Variants in MTHFSD observed in about 807,000 individuals in gnomAD.
The protein encoded by MTHFSD is methenyltetrahydrofolate synthetase domain containing.
Under a neutral mutation model 31.1 loss-of-function variants are expected in MTHFSD, and 37 were observed. The observed-to-expected ratio is 1.19, with a 90% confidence interval of 0.91 to 1.56. MTHFSD has a LOEUF of 1.56. Ranked by LOEUF, MTHFSD falls within the 40% of genes most tolerant of loss-of-function variation. MTHFSD has a pLI of 0.00. For missense variants in MTHFSD, 664 were observed against 510.1 expected (o/e 1.30, Z -2.91); for synonymous variants, 221 against 206.9 (o/e 1.07, Z -0.59).
intron 7 of MTHFSD, chr16:86,535,595 T>TA (rs5818591): frequency 0.02 from 11,790 of 577,440 alleles, 2 homozygotes; most frequent in Non-Finnish European, 0.024. Flanking sequence ...AATTCTATTC[T>TA]AAAAAAAAAA....
chr16:86,541,291 T>TAAA (rs34551811), intron 7 of MTHFSD: 1,251 of 772,596 alleles, frequency 1.6e-3, no homozygotes, highest in South Asian at 2.7e-3. Flanking sequence ...AGATCGTCAG[T>TAAA]AAAAAAAAAA....
At chr16:86,535,839 T>A (rs970152298) in intron 7 of MTHFSD, among the ~76,000 whole-genome samples, 1 of 152,132 alleles carries the variant, frequency 6.6e-6, no homozygotes, top group Admixed American at 6.5e-5. Context: ...GGGAGGATGA[T>A]CTTTGAATCC....
chr16:86,547,627 C>G, intron 4 of MTHFSD: 1 of 880,358 alleles, frequency 1.1e-6, no homozygotes, highest in African/African-American at 1.8e-5. Context: ...GCTTTCGTCT[C>G]AGTTTTCTAT....
intron 5 of MTHFSD, among the ~76,000 whole-genome samples, chr16:86,544,971 C>G (rs1475565879): frequency 6.6e-6 from 1 of 152,222 alleles, no homozygotes; most frequent in Non-Finnish European, 1.5e-5. Context: ...AAACCTAGCA[C>G]TGCATGTTCT....
chr16:86,530,265 CTCTT>C lies in MTHFSD; in HGVS notation c.*1742_*1745del, dbSNP rs1273077514. ...GTTCCACAAATATAAAAATGAGAAA[CTCTT>C]TCAGATTATCTGTATATCCATATAC... On this transcript the variant is annotated 3_prime_UTR_variant, in exon 8 of 8. Transcript: ENST00000360900. The C allele has an allele frequency of 2.0e-5, 3 of 152,236 alleles. No individual in the cohort carries two copies. The highest frequency in any genetic ancestry group is 7.2e-5 in the African/African-American group (3 of 41,460). The allele number at this position is 152,236 out of a possible 1,614,324, so 9.4% of individuals were successfully genotyped here.
At chr16:86,541,654 G>A (rs1414154415) in intron 7 of MTHFSD, 43 bp downstream of exon 7, 3 of 1,593,224 alleles carry the variant, frequency 1.9e-6, no homozygotes, top group Admixed American at 1.8e-5. Context: ...AAGAGGAGGA[G>A]CCGCTAAGCT....
At position 86,530,225 on chromosome 16, in the gene MTHFSD, T is replaced by C. The variant is rs1468660060; in HGVS notation, c.*1786A>G. On this transcript the variant is annotated 3_prime_UTR_variant, in exon 8 of 8. Coordinates refer to ENST00000360900, the MANE Select transcript of MTHFSD (RefSeq NM_001159377.2). ...TTTATTTCAGGCACTTGCTCTTCAGTTTTTCTTACACGATGTTCCACAAAT... is the reference window on the plus strand; with the variant it reads ...TTTATTTCAGGCACTTGCTCTTCAGCTTTTCTTACACGATGTTCCACAAAT... 6.6e-6 allele frequency: 1 copy of C among 152,244 alleles called. No individual in the cohort carries two copies. The highest frequency in any genetic ancestry group is 2.4e-5 in the African/African-American group (1 of 41,454). The allele number at this position is 152,244 out of a possible 1,614,324, so 9.4% of individuals were successfully genotyped here.
rs745864482 is a variant in MTHFSD at position 86,542,184 on chromosome 16, C to G, written c.472G>C (p.Ala158Pro). 2.9e-5 allele frequency: 46 copies of G among 1,613,794 alleles called. No homozygotes were observed. Among genetic ancestry groups the G allele is most frequent in the Non-Finnish European group, 3.7e-5 (44 of 1,180,000 alleles). ...ACCATCATGGCATATTCCAGATCGG[C>G]GTAGCCTTCTCCCTTCCCGATTCTC... The part of the protein sequence containing the change: ...GWRIGKGEGY[A>P]DLEYAMMVSM... Residue 158 changes from alanine to proline, a missense_variant, in exon 6 of 8, where the codon GCC (alanine) becomes CCC (proline). Ala to Pro is a conservative substitution (Grantham distance 27). Coordinates refer to ENST00000360900, the MANE Select transcript of MTHFSD (RefSeq NM_001159377.2). This position sits in a 1 kb window ranked among gnomAD's most constrained non-coding sequence, Gnocchi z 4.6.
At chr16:86,553,139 C>T (rs1707867785) in intron 2 of MTHFSD, 2 of 152,274 alleles carry the variant, frequency 1.3e-5, no homozygotes, top group South Asian at 4.1e-4. Context: ...TTCAGTACCC[C>T]TTCATTCCCT....
intron 6 of MTHFSD, 69 bp from the exon 7 acceptor site, chr16:86,541,891 C>A: frequency 1.9e-6 from 3 of 1,590,126 alleles, no homozygotes; most frequent in South Asian, 1.1e-5. Context: ...CTGCCCCGCT[C>A]GGTGGGAACG....
At position 86,555,214 on chromosome 16, in the gene MTHFSD, G is replaced by C. The variant is rs980803694; in HGVS notation, c.-30C>G. ...ATGCAGTCGCTGTGCGACGCTTCCC[G>C]GCGCAGGTTCTGGCGCGTAGTGACG... On this transcript the variant is annotated 5_prime_UTR_variant, in exon 1 of 8. Transcript: ENST00000360900. 1.3e-5 allele frequency: 20 copies of C among 1,536,124 alleles called. No individual in the cohort carries two copies. Among genetic ancestry groups the C allele is most frequent in the Admixed American group, 3.9e-5 (2 of 50,964 alleles).
rs1971624191 is a variant in MTHFSD, at chr16:86,542,178, G to A, written c.478C>T (p.Leu160=). 1 of 1,613,838 alleles carries A rather than the reference G, an allele frequency of 6.2e-7. No homozygotes were observed. The highest frequency in any genetic ancestry group is 8.5e-7 in the Non-Finnish European group (1 of 1,180,032). ...RIGKGEGYAD[L]EYAMMVSMGA... is the part of the protein sequence containing the mutation. ...ATGGATACCATCATGGCATATTCCA[G>A]ATCGGCGTAGCCTTCTCCCTTCCCG... Residue 160 remains leucine (L), a synonymous_variant, in exon 6 of 8, where the codon CTG becomes TTG. Transcript: ENST00000360900. This position sits in a 1 kb window ranked among gnomAD's most constrained non-coding sequence, Gnocchi z 4.6.
At chr16:86,554,240 C>T (rs1973692578) in intron 2 of MTHFSD, among the ~76,000 whole-genome samples, 1 of 152,192 alleles carries the variant, frequency 6.6e-6, no homozygotes, top group African/African-American at 2.4e-5. Flanking sequence ...AGCTTCACTC[C>T]TGAAGCCAGC....
intron 7 of MTHFSD, 72 bp from the exon 8 acceptor site, chr16:86,532,553 C>G (rs1184789156): frequency 1.6e-6 from 2 of 1,216,472 alleles, no homozygotes; most frequent in African/African-American, 3.1e-5. Context: ...CGCATCCACA[C>G]CTCTGACTAC....
At chr16:86,539,680 T>C (rs9938731) in intron 7 of MTHFSD, among the ~76,000 whole-genome samples, 1 of 152,180 alleles carries the variant, frequency 6.6e-6, no homozygotes, top group Non-Finnish European at 1.5e-5. Context: ...GGAGATGCGC[T>C]GTTTACAGTA....
At chr16:86,544,924 G>C (rs551620740) in intron 5 of MTHFSD, among the ~76,000 whole-genome samples, 52 of 152,322 alleles carry the variant, frequency 3.4e-4, no homozygotes, top group African/African-American at 1.2e-3. Context: ...GATGGAGCTG[G>C]AAAACATTAT....
rs1460389097 is a variant in MTHFSD, at chr16:86,545,616, GCCGCT to G, written c.442+938_442+942del. ...CCGGCATGCAGGAGCCAGCCCTGAG[GCCGCT>G]ACTGAGGAGATGCCCCCTCCAGGCT... On this transcript the variant is annotated intron_variant, in intron 5 of 7. Transcript: ENST00000360900. 2.0e-5 allele frequency among the ~76,000 whole-genome samples: 3 copies of G among 152,076 alleles called. No homozygotes were observed. The East Asian group carries it at 5.8e-4, about 29-fold the overall frequency.
At chr16:86,544,950 G>A (rs980495239) in intron 5 of MTHFSD, among the ~76,000 whole-genome samples, 1 of 152,198 alleles carries the variant, frequency 6.6e-6, no homozygotes, top group Non-Finnish European at 1.5e-5. Context: ...GCAAACGAAC[G>A]CAGGAACAGA....
At chr16:86,543,242 AGCTGG>A (rs1971778292) in intron 5 of MTHFSD, among the ~76,000 whole-genome samples, 1 of 152,248 alleles carries the variant, frequency 6.6e-6, no homozygotes, top group Non-Finnish European at 1.5e-5. Flanking sequence ...TCAAAGTCAA[AGCTGG>A]CTCACTCCAG....
Sources: gnomAD v4.1 joint callset for allele counts (sites outside exome capture counted in the v4.1 genomes callset) on GRCh38, gnomAD v4.1.1 for gene constraint, Gnocchi (gnomAD v3.1) non-coding constraint, MANE v1.5 for transcripts, NCBI Gene and HGNC (gene_info 2026-07-23, HGNC 2026-07-21) for gene names.